GPN1: variants seen among roughly 807,000 people sequenced by gnomAD.
The protein encoded by GPN1 is ATP(GTP)-binding protein.
Under a neutral mutation model 55.9 loss-of-function variants are expected in GPN1, and 44 were observed. That is an observed-to-expected ratio of 0.79 (90% CI 0.62 to 1.01). The LOEUF (loss-of-function observed/expected upper bound fraction) is 1.01, where lower values mean the gene tolerates loss of function less well. Among genes scored for constraint, GPN1 ranks in the 50% least tolerant of loss-of-function variants. The pLI is 0.00. For missense variants in GPN1, 466 were observed against 462.8 expected (o/e 1.01, Z -0.06); for synonymous variants, 179 against 162.5 (o/e 1.10, Z -0.77).
chr2:27,646,766 T>C (rs1416604343), intron 12 of GPN1, among the ~76,000 whole-genome samples: 1 of 152,198 alleles, frequency 6.6e-6, no homozygotes, highest in Non-Finnish European at 1.5e-5. Context: ...ACATCTTTCT[T>C]AAAGGAGTGA....
intron 7 of GPN1, among the ~76,000 whole-genome samples, chr2:27,636,021 C>T (rs1009299382): frequency 3.3e-5 from 5 of 152,118 alleles, no homozygotes; most frequent in African/African-American, 1.2e-4. Flanking sequence ...TTGAGACCAG[C>T]CTGGGCACCA....
intron 7 of GPN1, among the ~76,000 whole-genome samples, chr2:27,636,541 C>G (rs1054484601): frequency 6.6e-6 from 1 of 152,088 alleles, no homozygotes; most frequent in Admixed American, 6.6e-5. Context: ...GTCACCCAGG[C>G]TGGAGTACAG....
At chr2:27,645,701 TTTTAA>T (rs1315268649) in intron 12 of GPN1, among the ~76,000 whole-genome samples, 1 of 151,422 alleles carries the variant, frequency 6.6e-6, no homozygotes, top group Non-Finnish European at 1.5e-5. Flanking sequence ...GCCTGTTTCT[TTTTAA>T]TTTTTTTTTT....
At chr2:27,631,983 A>C (rs978262458) in intron 4 of GPN1, 83 bp downstream of exon 4, 1 of 831,688 alleles carries the variant, frequency 1.2e-6, no homozygotes, top group Non-Finnish European at 2.1e-6. Flanking sequence ...ATTGGTAAAG[A>C]AGAGCAGCAA....
At chr2:27,633,437 C>G (rs1673624015) in intron 5 of GPN1, among the ~76,000 whole-genome samples, 2 of 152,118 alleles carry the variant, frequency 1.3e-5, no homozygotes, top group Non-Finnish European at 2.9e-5. Flanking sequence ...TCCCAAGTAG[C>G]TGGGACTACA....
In GPN1 at chr2:27,629,087, T is replaced by C. The variant is rs746822754; in HGVS notation, c.29T>C (p.Leu10Pro). Residue 10 changes from leucine to proline, a missense_variant, in exon 1 of 14, where the codon CTC (leucine) becomes CCC (proline). Leu to Pro is a moderately conservative substitution (Grantham distance 98, BLOSUM62 -3). Coordinates refer to ENST00000610189, the MANE Select transcript of GPN1 (RefSeq NM_007266.4). ...GCGGCGTCCGCAGCTGCCGCTGAGC[T>C]CCAGGCTTCTGGGGGTCCGCGGCAC... MAASAAAAE[L>P]QASGGPRHPV... 1.5e-5 allele frequency: 24 copies of C among 1,614,116 alleles called. No individual in the cohort carries two copies. Among genetic ancestry groups the C allele is most frequent in the Non-Finnish European group, 2.0e-5 (24 of 1,180,042 alleles).
At chr2:27,633,507 G>A (rs1221227658) in intron 5 of GPN1, among the ~76,000 whole-genome samples, 6 of 151,940 alleles carry the variant, frequency 3.9e-5, no homozygotes, top group African/African-American at 7.3e-5. Context: ...ATGGAGTCTC[G>A]CTCTATTGCC....
At chr2:27,628,579 C>T, upstream of GPN1, 1 of 1,551,548 alleles carries the variant, frequency 6.4e-7, no homozygotes, top group Non-Finnish European at 8.7e-7. Flanking sequence ...TGCCCAGCAA[C>T]CCTGGAGACT....
intron 1 of GPN1, among the ~76,000 whole-genome samples, chr2:27,629,617 C>A (rs1558484545): frequency 6.6e-6 from 1 of 152,034 alleles, no homozygotes; most frequent in Non-Finnish European, 1.5e-5. Flanking sequence ...ATAGAGAAAA[C>A]CCACATACGA....
intron 12 of GPN1, among the ~76,000 whole-genome samples, chr2:27,646,856 G>A (rs1045436302): frequency 6.6e-6 from 1 of 152,126 alleles, no homozygotes; most frequent in African/African-American, 2.4e-5. Context: ...TACCAGTTAA[G>A]TGTACTCACT....
At chr2:27,635,037 A>T (rs1203889369) in intron 6 of GPN1, 103 bp from the exon 7 acceptor site, 3 of 951,814 alleles carry the variant, frequency 3.2e-6, no homozygotes, top group Non-Finnish European at 5.2e-6. Context: ...AGCTCTGCAC[A>T]CCCTGCCTAA....
At chr2:27,629,634 A>AAAACAAGT (rs1673450667) in intron 1 of GPN1, among the ~76,000 whole-genome samples, 2 of 152,228 alleles carry the variant, frequency 1.3e-5, no homozygotes, top group South Asian at 4.1e-4. Flanking sequence ...ACGAAGAATC[A>AAAACAAGT]AAACAAGTAA....
In GPN1 at chr2:27,638,948, G is replaced by A. The variant is rs1673837669; in HGVS notation, c.634G>A (p.Ala212Thr). 6.2e-7 allele frequency: 1 copy of A among 1,613,546 alleles called. No individual in the cohort carries two copies. Among genetic ancestry groups the A allele is most frequent in the Non-Finnish European group, 8.5e-7 (1 of 1,179,478 alleles). The change falls in exon 9 of 14, where the codon GCC (alanine) becomes ACC (threonine). Residue 212 changes from alanine to threonine, a missense_variant. Physicochemically the swap from Ala to Thr is moderately conservative, Grantham distance 58. Transcript: ENST00000610189. Reference protein sequence around the residue: ...WMQDFEAFQDALNQETTYVSN... With the variant: ...WMQDFEAFQDTLNQETTYVSN... ...GCAGGATTTTGAGGCTTTCCAAGAT[G>A]CCTTGAATCAAGAGACTACATACGT...
chr2:27,634,154 G>T (rs1673647177), intron 5 of GPN1, among the ~76,000 whole-genome samples: 1 of 151,994 alleles, frequency 6.6e-6, no homozygotes, highest in Non-Finnish European at 1.5e-5. Flanking sequence ...AATAACTAAT[G>T]ATATTGAACA....
In GPN1 at chr2:27,634,826, A is replaced by G. The variant is rs770591335; in HGVS notation, c.351-20A>G. ...CATAACACAAATGTAACACTTCTTT[A>G]ATGATCTTTCTTGACATAGATATGT... On this transcript the variant is annotated intron_variant, in intron 5 of 13. Coordinates refer to ENST00000610189, the MANE Select transcript of GPN1 (RefSeq NM_007266.4). 1.4e-5 allele frequency: 19 copies of G among 1,340,578 alleles called. No individual in the cohort carries two copies. The South Asian group carries it at 2.2e-4, about 16-fold the overall frequency. 83.0% of individuals were successfully genotyped at this position (1,340,578 alleles called of 1,614,324 possible).
chr2:27,649,832 T>C (rs1451568163), intron 13 of GPN1, among the ~76,000 whole-genome samples: 2 of 152,240 alleles, frequency 1.3e-5, no homozygotes, highest in Non-Finnish European at 2.9e-5. Context: ...CGTTTCCAAA[T>C]AGATCTTTGT....
At chr2:27,629,978 T>A in intron 2 of GPN1, 26 bp downstream of exon 2, 1 of 1,238,182 alleles carries the variant, frequency 8.1e-7, no homozygotes, top group South Asian at 1.2e-5. Context: ...ACATAACTTG[T>A]GTGCAGTGCT....
intron 7 of GPN1, 71 bp from the exon 8 acceptor site, chr2:27,638,139 C>G: frequency 1.2e-6 from 1 of 824,838 alleles, no homozygotes; most frequent in Admixed American, 1.8e-5. Context: ...TACTTAGTCC[C>G]GACATGCTGA....
chr2:27,642,540 G>A (rs1478835153), intron 12 of GPN1, 21 bp downstream of exon 12: 16 of 1,406,920 alleles, frequency 1.1e-5, no homozygotes, highest in Non-Finnish European at 1.6e-5. Flanking sequence ...GTTTCTTGGT[G>A]TTAGGAACTA....
Sources: allele counts gnomAD v4.1 joint callset (sites outside exome capture counted in the v4.1 genomes callset), GRCh38; gene constraint gnomAD v4.1.1; transcripts MANE v1.5; gene names NCBI Gene and HGNC (gene_info 2026-07-23, HGNC 2026-07-21).